The following GOT2 variants were observed in gnomAD, a reference collection of about 807,000 sequenced individuals.
GOT2 encodes aspartate aminotransferase, mitochondrial.
In GOT2, 17 loss-of-function variants were observed where a neutral mutation model predicts 50.0. That is an observed-to-expected ratio of 0.34 (90% CI 0.23 to 0.51). The LOEUF is 0.51. Ranked by LOEUF, GOT2 falls within the 20% of genes least tolerant of loss-of-function variation. The pLI is 0.97. For missense variants in GOT2, 430 were observed against 559.6 expected, an observed-to-expected ratio of 0.77 and a Z score of 2.34; for synonymous variants, 172 against 204.9, an observed-to-expected ratio of 0.84 and a Z score of 1.37.
At chr16:58,727,602 A>C (rs1383031962) in intron 1 of GOT2, among the ~76,000 whole-genome samples, 1 of 152,066 alleles carries the variant, frequency 6.6e-6, no homozygotes, top group African/African-American at 2.4e-5. Context: ...CTGCAGGGAG[A>C]TGATGGATAG....
intron 2 of GOT2, 83 bp downstream of exon 2, chr16:58,723,663 C>T (rs1358994242): frequency 4.4e-5 from 50 of 1,133,412 alleles, no homozygotes; most frequent in East Asian, 2.4e-4. Flanking sequence ...TCCTGATTCC[C>T]GGTCCAGCAC....
rs140747876 is a variant in GOT2, at chr16:58,725,974, T to C, written c.90-2072A>G. On this transcript the variant is annotated intron_variant, in intron 1 of 9. Coordinates refer to ENST00000245206, the MANE Select transcript of GOT2 (RefSeq NM_002080.4). ...CTGAAAACCCCAAAGAGCTTTTATT[T>C]ATGTGGGGTATAACTATTAATACTT... Among the ~76,000 whole-genome samples, 203 of 152,318 alleles carry C rather than the reference T, an allele frequency of 1.3e-3. 1 individual carries two copies. The East Asian group carries it at 0.032, about 24-fold the overall frequency.
chr16:58,732,818 C>T (rs949345917), intron 1 of GOT2, among the ~76,000 whole-genome samples: 1 of 152,220 alleles, frequency 6.6e-6, no homozygotes, highest in African/African-American at 2.4e-5. Flanking sequence ...TTTCTCTTGA[C>T]GGAAATTTTA....
chr16:58,723,772 G>A lies in GOT2; in HGVS notation c.220C>T (p.Pro74Ser). Residue 74 changes from proline (P) to serine (S), a missense_variant, in exon 2 of 10, where the codon CCT becomes TCT. By Grantham distance (74) the Pro-to-Ser change is moderately conservative (BLOSUM62 -1). Coordinates refer to ENST00000245206, the MANE Select transcript of GOT2 (RefSeq NM_002080.4). ...TTGCGGACGCTAGGCAGAACGTAAG[G>A]CTTTCCATTATCATCCCGGTAGGCA... ...VGAYRDDNGK[P>S]YVLPSVRKAE... is the part of the protein sequence containing the mutation. The A allele has an allele frequency of 6.2e-7, 1 of 1,613,126 alleles. No homozygotes were observed. Among genetic ancestry groups the A allele is most frequent in the Non-Finnish European group, 8.5e-7 (1 of 1,179,180 alleles).
intron 1 of GOT2, among the ~76,000 whole-genome samples, chr16:58,730,491 C>T (rs2044826346): frequency 1.3e-5 from 2 of 151,930 alleles, no homozygotes; most frequent in African/African-American, 2.4e-5. Flanking sequence ...CTCAAGTGAT[C>T]CTCCCCGAGT....
Position 58,709,255 on chromosome 16 carries a change from T to A in GOT2, c.1170+162A>T, listed in dbSNP as rs545670890. On this transcript the variant is annotated intron_variant, in intron 9 of 9. Coordinates refer to ENST00000245206, the MANE Select transcript of GOT2 (RefSeq NM_002080.4). ...TCCAGCCTGGGTTTCAGAGCGAGAC[T>A]GTCTCAAAACAAAAACAAAAACAAA... The A allele has an allele frequency of 4.1e-4, 272 of 669,816 alleles. 1 individual carries two copies. In the African/African-American group the frequency reaches 4.6e-3, roughly 11 times the overall value. 41.5% of individuals were successfully genotyped at this position (669,816 alleles called of 1,614,324 possible). A position where few individuals can be genotyped will look rare whatever the true frequency, so the allele number is the denominator to read the frequency against.
At chr16:58,731,204 G>A (rs965746951) in intron 1 of GOT2, among the ~76,000 whole-genome samples, 5 of 151,946 alleles carry the variant, frequency 3.3e-5, no homozygotes, top group East Asian at 3.9e-4. Flanking sequence ...CGTGATCAGC[G>A]GGCTCACTGC....
Position 58,726,371 on chromosome 16 carries a change from A to T in GOT2, c.90-2469T>A, listed in dbSNP as rs140409013. On this transcript the variant is annotated intron_variant, in intron 1 of 9. Coordinates refer to ENST00000245206, the MANE Select transcript of GOT2 (RefSeq NM_002080.4). ...CAGCTAATTTTTGTATTTTTAGTAG[A>T]GACGGGGTTTCGCCGTGTTGGCCAG... Among the ~76,000 whole-genome samples the T allele has an allele frequency of 6.9e-3, 1,050 of 152,228 alleles. 17 individuals carry two copies. The highest frequency in any genetic ancestry group is 0.024 in the African/African-American group (1,005 of 41,540).
chr16:58,719,321 A>G, intron 3 of GOT2, 66 bp from the exon 4 acceptor site: 1 of 1,083,574 alleles, frequency 9.2e-7, no homozygotes, highest in Non-Finnish European at 1.4e-6. Context: ...ACCCAGGGCC[A>G]CTGCTTTGTC....
intron 3 of GOT2, 139 bp from the exon 4 acceptor site, chr16:58,719,394 C>T (rs186186999): frequency 2.4e-5 from 14 of 575,776 alleles, no homozygotes; most frequent in Admixed American, 5.6e-5. Context: ...TCATGTTACA[C>T]GGGAAACTTT....
At chr16:58,714,946 A>G (rs1431300646) in intron 8 of GOT2, among the ~76,000 whole-genome samples, 1 of 150,784 alleles carries the variant, frequency 6.6e-6, no homozygotes, top group African/African-American at 2.4e-5. Context: ...TACAGGTGTG[A>G]GCCACTGTGC....
rs748854047 is a variant in GOT2, at chr16:58,716,152, A to G, written c.881T>C (p.Val294Ala). ...YGERVGAFTM[V>A]CKDADEAKRV... ...TTTGGCTTCATCCGCATCTTTGCAG[A>G]CCATAGTGAAGGCTCCTACACGCTC... is the stretch of plus-strand genomic sequence containing the variant. The change falls in exon 8 of 10, where the codon GTC becomes GCC. Residue 294 changes from valine (V) to alanine (A), a missense_variant. By Grantham distance (64) the Val-to-Ala change is moderately conservative. Transcript: ENST00000245206. 6.2e-7 allele frequency: 1 copy of G among 1,613,836 alleles called. No individual in the cohort carries two copies.
At chr16:58,714,966 AAT>A (rs2044680159) in intron 8 of GOT2, among the ~76,000 whole-genome samples, 1 of 152,070 alleles carries the variant, frequency 6.6e-6, no homozygotes, top group South Asian at 2.1e-4. Context: ...CCCAGACTTA[AAT>A]ATATTTCTTA....
At chr16:58,730,223 G>A (rs978624642) in intron 1 of GOT2, among the ~76,000 whole-genome samples, 26 of 152,080 alleles carry the variant, frequency 1.7e-4, no homozygotes, top group Non-Finnish European at 4.4e-5. Context: ...TTTTATTTCA[G>A]GTTCACGGGT....
chr16:58,723,633 C>T, intron 2 of GOT2, 113 bp downstream of exon 2: 1 of 841,556 alleles, frequency 1.2e-6, no homozygotes. Flanking sequence ...GCCATTAGTG[C>T]CAGAACTAAA....
chr16:58,712,481 G>C (rs945293588), intron 8 of GOT2, among the ~76,000 whole-genome samples: 6 of 151,880 alleles, frequency 4.0e-5, no homozygotes, highest in Non-Finnish European at 8.8e-5. Context: ...ACTGCACTCC[G>C]GCCTGGGCCA....
chr16:58,725,316 C>T (rs373403346), intron 1 of GOT2, among the ~76,000 whole-genome samples: 3 of 150,964 alleles, frequency 2.0e-5, no homozygotes, highest in East Asian at 3.9e-4. Flanking sequence ...GGTTTTACCA[C>T]GTTGGCCAGG....
At chr16:58,732,155 A>T (rs1053489822) in intron 1 of GOT2, among the ~76,000 whole-genome samples, 1 of 152,200 alleles carries the variant, frequency 6.6e-6, no homozygotes, top group Admixed American at 6.5e-5. Flanking sequence ...AAAATAAAAA[A>T]TTAGCTGGGT....
At chr16:58,717,034 G>A (rs1012448783) in intron 6 of GOT2, among the ~76,000 whole-genome samples, 2 of 152,168 alleles carry the variant, frequency 1.3e-5, no homozygotes, top group African/African-American at 2.4e-5. Context: ...TCCAAATGCT[G>A]TTTCTGTCTC....
Sources: gnomAD v4.1 joint callset for allele counts (sites outside exome capture counted in the v4.1 genomes callset) on GRCh38, gnomAD v4.1.1 for gene constraint, MANE v1.5 for transcripts, NCBI Gene and HGNC (gene_info 2026-07-23, HGNC 2026-07-21) for gene names.